Variants in PRDM15 observed in about 807,000 individuals in gnomAD.
PRDM15 encodes the protein PR/SET domain 15, also known as PR domain zinc finger protein 15.
In PRDM15, 64 loss-of-function variants were observed where a neutral mutation model predicts 128.6. The observed-to-expected ratio is 0.50, with a 90% CI of 0.41 to 0.61. The LOEUF is 0.61. Ranked by LOEUF, PRDM15 falls within the 20% of genes least tolerant of loss-of-function variation. PRDM15 has a pLI of 0.00. For synonymous variants in PRDM15, 615 were observed against 621.8 expected (o/e 0.99, Z 0.16); for missense variants, 1,242 against 1,569.1 (o/e 0.79, Z 3.52).
Position 41,802,795 on chromosome 21 carries a change from A to C in PRDM15, c.2860T>G (p.Phe954Val). Residue 954 changes from phenylalanine to valine, a missense_variant, in exon 23 of 24, where the codon TTC becomes GTC. By Grantham distance (50) the Phe-to-Val change is conservative. Coordinates refer to ENST00000398548, the MANE Select transcript of PRDM15 (RefSeq NM_001040424.3). ...GTCTCTTTCTCTGAGTATTCGCTGA[A>C]GGTGGCGTCCTCGGGCACCGGAGCA... ...AGAPVPEDAT[F>V]SEYSEKETEF... 1 of 1,614,210 alleles carries C rather than the reference A, an allele frequency of 6.2e-7. No individual in the cohort carries two copies. Among genetic ancestry groups the C allele is most frequent in the Admixed American group, 1.7e-5 (1 of 60,018 alleles).
At chr21:41,863,174 G>GA (rs559037055) in intron 1 of PRDM15, 2,734 of 117,098 alleles carry the variant, frequency 0.023, 48 homozygotes, top group East Asian at 0.088. Context: ...ACCTCAAAAA[G>GA]AAAAAAAAAA....
intron 21 of PRDM15, among the ~76,000 whole-genome samples, chr21:41,806,089 A>T (rs1601741453): frequency 7.0e-6 from 1 of 143,344 alleles, no homozygotes; most frequent in African/African-American, 2.6e-5. Flanking sequence ...CACCACCACC[A>T]CCATCACCAC....
chr21:41,854,578 A>T lies in PRDM15; in HGVS notation c.526T>A (p.Ser176Thr). Reference sequence around the variant, plus strand: ...GGCCGCCACATACCGTGGACGCCAGAGCCGGCCTGCTTCAGCATGGGCTTG... The same window carrying T: ...GGCCGCCACATACCGTGGACGCCAGTGCCGGCCTGCTTCAGCATGGGCTTG... ...MDKPMLKQAG[S>T]GVHAAGTPEN... The change falls in exon 5 of 24, where the codon TCT (serine) becomes ACT (threonine). Residue 176 changes from serine (S) to threonine (T), a missense_variant. Physicochemically the swap from Ser to Thr is moderately conservative, Grantham distance 58 (BLOSUM62 1). Transcript: ENST00000398548. The surrounding 1 kb of genome is among the most constrained non-coding windows in gnomAD (Gnocchi z 4.6). 6.2e-7 allele frequency: 1 copy of T among 1,613,282 alleles called. No individual in the cohort carries two copies. Among genetic ancestry groups the T allele is most frequent in the Non-Finnish European group, 8.5e-7 (1 of 1,179,972 alleles).
intron 6 of PRDM15, among the ~76,000 whole-genome samples, chr21:41,846,649 A>G (rs1200801904): frequency 6.6e-6 from 1 of 152,268 alleles, no homozygotes; most frequent in Non-Finnish European, 1.5e-5. Flanking sequence ...GTGAGCCACG[A>G]TCATGCCACT....
intron 1 of PRDM15, among the ~76,000 whole-genome samples, chr21:41,863,841 C>A (rs1241197496): frequency 6.6e-6 from 1 of 151,628 alleles, no homozygotes; most frequent in Non-Finnish European, 1.5e-5. Flanking sequence ...CAAACATGCC[C>A]AAAGCATTTT....
chr21:41,809,477 C>T (rs1054034701), intron 21 of PRDM15, among the ~76,000 whole-genome samples: 3 of 152,146 alleles, frequency 2.0e-5, no homozygotes, highest in Non-Finnish European at 4.4e-5. Context: ...GTGATCCACT[C>T]GCCTCTGCCT....
At chr21:41,873,534 C>T (rs1266757099) in intron 1 of PRDM15, among the ~76,000 whole-genome samples, 1 of 152,160 alleles carries the variant, frequency 6.6e-6, no homozygotes, top group African/African-American at 2.4e-5. Context: ...TGTTATAGCT[C>T]CCGTGACCTG....
chr21:41,867,036 T>C (rs186068560), intron 1 of PRDM15, among the ~76,000 whole-genome samples: 1 of 152,348 alleles, frequency 6.6e-6, no homozygotes, highest in Admixed American at 6.5e-5. Context: ...CCTGCTCGCC[T>C]AGCAGGGTGA....
chr21:41,854,729 C>T lies in PRDM15; in HGVS notation c.375G>A (p.Glu125=). The change falls in exon 5 of 24, where the codon GAG becomes GAA. Residue 125 remains glutamate, a synonymous_variant. Transcript: ENST00000398548. This position sits in a 1 kb window ranked among gnomAD's most constrained non-coding sequence, Gnocchi z 4.6. ...NWMMLVRPAA[E]AEHQNLTAYQ... is the part of the protein sequence containing the mutation. The stretch of plus-strand genomic sequence containing the variant: ...AGGCCGTCAGGTTCTGGTGCTCGGC[C>T]TCCGCCGCTGGCCGCACCAGCATCA... The T allele has an allele frequency of 6.2e-7, 1 of 1,613,254 alleles. No individual in the cohort carries two copies. The highest frequency in any genetic ancestry group is 8.5e-7 in the Non-Finnish European group (1 of 1,179,924).
chr21:41,838,777 A>G (rs1259872396), intron 7 of PRDM15, among the ~76,000 whole-genome samples: 2 of 152,254 alleles, frequency 1.3e-5, no homozygotes, highest in African/African-American at 2.4e-5. Flanking sequence ...GCAGACCCAC[A>G]GCAGAAAAGG....
Position 41,823,311 on chromosome 21 carries a change from T to A in PRDM15, c.1761+7A>T. 6.2e-7 allele frequency: 1 copy of A among 1,607,998 alleles called. No individual in the cohort carries two copies. Among genetic ancestry groups the A allele is most frequent in the South Asian group, 1.1e-5 (1 of 89,634 alleles). On this transcript the variant is annotated splice_region_variant and intron_variant, in intron 14 of 23. Transcript: ENST00000398548. ...ATGCCTGGGTGAGGGCAGCACGCGA[T>A]CGACACCTTGAAGTGGACATGGATG...
intron 22 of PRDM15, 66 bp from the exon 23 acceptor site, chr21:41,802,987 G>T: frequency 7.9e-7 from 1 of 1,272,030 alleles, no homozygotes; most frequent in Non-Finnish European, 1.1e-6. Flanking sequence ...GGCCAGGGCA[G>T]CCCCAGCACT....
chr21:41,856,489 C>T (rs1300068207), intron 4 of PRDM15, among the ~76,000 whole-genome samples: 1 of 151,578 alleles, frequency 6.6e-6, no homozygotes, highest in Non-Finnish European at 1.5e-5. Context: ...ACAACCCATT[C>T]CTCATTTGTT....
Position 41,815,708 on chromosome 21 carries a change from T to A in PRDM15, c.2389A>T (p.Thr797Ser), listed in dbSNP as rs199654026. The change falls in exon 19 of 24, where the codon ACG (threonine) becomes TCG (serine). Residue 797 changes from threonine to serine, a missense_variant. Transcript: ENST00000398548. ...GCGGCCCGGGCCTCGGACTCACCCGTGTGCCGCTTGCAGTGCTTGAGCATG... is the reference window on the plus strand; with the variant it reads ...GCGGCCCGGGCCTCGGACTCACCCGAGTGCCGCTTGCAGTGCTTGAGCATG... ...VNMLKHCKRH[T>S]GIKDFMCELC... is the part of the protein sequence containing the mutation. 6.2e-7 allele frequency: 1 copy of A among 1,613,346 alleles called. No individual in the cohort carries two copies.
In PRDM15 at chr21:41,828,678, C is replaced by T. The variant is rs568379070; in HGVS notation, c.1367-345G>A. 2.8e-4 allele frequency among the ~76,000 whole-genome samples: 43 copies of T among 152,088 alleles called. No homozygotes were observed. The highest frequency in any genetic ancestry group is 1.0e-4 in the Non-Finnish European group (7 of 67,968). On this transcript the variant is annotated intron_variant, in intron 11 of 23. Transcript: ENST00000398548. This position sits in a 1 kb window ranked among gnomAD's most constrained non-coding sequence, Gnocchi z 5.7. The stretch of plus-strand genomic sequence containing the variant: ...TGCCCAGTCCAAAGCTTCCCCTGGG[C>T]CTGCACCCTCCACCCAGCATGACTG...
chr21:41,809,515 GC>G (rs1445448543), intron 21 of PRDM15, among the ~76,000 whole-genome samples: 1 of 152,146 alleles, frequency 6.6e-6, no homozygotes, highest in Non-Finnish European at 1.5e-5. Flanking sequence ...ACAAGCATGA[GC>G]CACCGTGCCC....
intron 6 of PRDM15, among the ~76,000 whole-genome samples, chr21:41,840,145 A>C (rs2063029304): frequency 1.3e-5 from 2 of 152,202 alleles, no homozygotes; most frequent in Admixed American, 1.3e-4. Flanking sequence ...TGAGAAGGAG[A>C]TATCAAAATA....
chr21:41,806,522 T>TCACCACCAACACAACCACCTC (rs2061654425), intron 21 of PRDM15, among the ~76,000 whole-genome samples: 1 of 45,278 alleles, frequency 2.2e-5, no homozygotes, highest in African/African-American at 1.3e-4. Flanking sequence ...ACCACCACCA[T>TCACCACCAACACAACCACCTC]CACCACCACC....
rs139532724 is a variant in PRDM15, at chr21:41,821,044, G to A, written c.2060+23C>T. The stretch of plus-strand genomic sequence containing the variant: ...TGTCCCCTCTCTCCTGACACAACCC[G>A]GGAGCCCCCGACCAGGCCTCACTTC... On this transcript the variant is annotated intron_variant, in intron 16 of 23. Transcript: ENST00000398548. This position sits in a 1 kb window ranked among gnomAD's most constrained non-coding sequence, Gnocchi z 5.4. 3.5e-4 allele frequency: 565 copies of A among 1,614,014 alleles called. 1 individual carries two copies. In the African/African-American group the frequency reaches 6.5e-3, roughly 19 times the overall value.
Sources: allele counts gnomAD v4.1 joint callset (sites outside exome capture counted in the v4.1 genomes callset), GRCh38; gene constraint gnomAD v4.1.1; non-coding constraint Gnocchi (gnomAD v3.1); transcripts MANE v1.5; gene names NCBI Gene and HGNC (gene_info 2026-07-23, HGNC 2026-07-21).